Variants in LIPG observed in about 807,000 individuals in gnomAD.
LIPG encodes the protein endothelial lipase.
Under a neutral mutation model 51.8 loss-of-function variants are expected in LIPG, and 34 were observed. The ratio of observed to expected loss-of-function variants is 0.66; its 90% CI spans 0.50 to 0.87. The LOEUF is 0.87. Among genes scored for constraint, LIPG ranks in the 40% least tolerant of loss-of-function variants. LIPG has a pLI of 0.00. For synonymous variants in LIPG, 246 were observed against 246.1 expected, an observed-to-expected ratio of 1.00 and a Z score of 0.00; for missense variants, 580 against 652.7, an observed-to-expected ratio of 0.89 and a Z score of 1.21.
chr18:49,575,332 G>T, intron 4 of LIPG, 37 bp from the exon 5 acceptor site: 1 of 1,578,812 alleles, frequency 6.3e-7, no homozygotes, highest in South Asian at 1.1e-5. Flanking sequence ...AGGTGCACCT[G>T]ACACCACAGC....
intron 3 of LIPG, 46 bp downstream of exon 3, chr18:49,567,667 A>C: frequency 1.9e-6 from 3 of 1,587,736 alleles, no homozygotes; most frequent in Non-Finnish European, 2.6e-6. Flanking sequence ...CAGGATCTCA[A>C]ACCCAATCTT....
chr18:49,580,142 C>T (rs972521453), intron 5 of LIPG, among the ~76,000 whole-genome samples: 12 of 152,102 alleles, frequency 7.9e-5, no homozygotes, highest in Non-Finnish European at 1.6e-4. Context: ...GCTGCTGGTG[C>T]CAATGAGGCA....
In LIPG at chr18:49,579,773, CT is replaced by C. The variant is rs1568533498; in HGVS notation, c.794-1638del. Among the ~76,000 whole-genome samples the C allele has an allele frequency of 6.1e-3, 385 of 63,456 alleles. 8 individuals carry two copies. The South Asian group carries it at 0.12, about 20-fold the overall frequency. 41.6% of individuals were successfully genotyped at this position (63,456 alleles called of 152,430 possible). On this transcript the variant is annotated intron_variant, in intron 5 of 9. Transcript: ENST00000261292. ...CCTTTCCTTTCCTTTCCTTTCTTTTCTTTTCTTTTCTTTTCTTTTCTTTTCT... is the reference window on the plus strand; with the variant it reads ...CCTTTCCTTTCCTTTCCTTTCTTTTCTTTCTTTTCTTTTCTTTTCTTTTCT...
chr18:49,577,559 G>C (rs984986916), intron 5 of LIPG, among the ~76,000 whole-genome samples: 3 of 148,866 alleles, frequency 2.0e-5, no homozygotes, highest in East Asian at 2.0e-4. Context: ...GGTGGTGGCC[G>C]GGCAGAGGGG....
intron 6 of LIPG, 59 bp downstream of exon 6, chr18:49,581,716 C>T: frequency 6.3e-7 from 1 of 1,593,484 alleles, no homozygotes. Context: ...CTTCTTAATA[C>T]CATGCTGCAG....
Position 49,565,428 on chromosome 18 carries a change from A to T in LIPG, c.209A>T (p.His70Leu), listed in dbSNP as rs2084593520. The T allele has an allele frequency of 1.9e-6, 3 of 1,614,134 alleles. No homozygotes were observed. In the South Asian group the frequency reaches 3.3e-5, roughly 18 times the overall value. The change falls in exon 2 of 10, where the codon CAC (histidine) becomes CTC (leucine). Residue 70 changes from histidine to leucine, a missense_variant. Transcript: ENST00000261292. ...GAAGGATGCTACCTCTCCGTCGGCCACAGCCAGCCCTTAGAAGACTGCAGT... is the reference window on the plus strand; with the variant it reads ...GAAGGATGCTACCTCTCCGTCGGCCTCAGCCAGCCCTTAGAAGACTGCAGT... ...EHEGCYLSVG[H>L]SQPLEDCSFN...
chr18:49,597,834 C>G lies in LIPG; in HGVS notation c.*7312C>G, dbSNP rs1303883025. 6.6e-6 allele frequency: 1 copy of G among 152,252 alleles called. No homozygotes were observed. The highest frequency in any genetic ancestry group is 1.5e-5 in the Non-Finnish European group (1 of 68,060). The allele number at this position is 152,252 out of a possible 1,614,324, so 9.4% of individuals were successfully genotyped here. ...TGGACAGATGCCATATGAGAAAGGGCTGAGGCCAGGAACAGAGGCAGGGTT... is the reference window on the plus strand; with the variant it reads ...TGGACAGATGCCATATGAGAAAGGGGTGAGGCCAGGAACAGAGGCAGGGTT... On this transcript the variant is annotated 3_prime_UTR_variant, in exon 10 of 10. Coordinates refer to ENST00000261292, the MANE Select transcript of LIPG (RefSeq NM_006033.4).
At chr18:49,581,919 C>A in intron 6 of LIPG, 1 of 598,278 alleles carries the variant, frequency 1.7e-6, no homozygotes, top group Non-Finnish European at 2.9e-6. Context: ...ATTTAACTTT[C>A]AAAGCTGTTT....
rs2084993297 is a variant in LIPG at position 49,598,404 on chromosome 18, A to C, written c.*7882A>C. 2.0e-5 allele frequency: 3 copies of C among 152,780 alleles called. No individual in the cohort carries two copies. Among genetic ancestry groups the C allele is most frequent in the African/African-American group, 7.2e-5 (3 of 41,444 alleles). The allele number at this position is 152,780 out of a possible 1,614,324, so 9.5% of individuals were successfully genotyped here. ...GAGATGGGGTTTTGCCATGTTGCTC[A>C]GGTTGGTCTCAAACTCCTGGGCTCA... On this transcript the variant is annotated 3_prime_UTR_variant, in exon 10 of 10. Coordinates refer to ENST00000261292, the MANE Select transcript of LIPG (RefSeq NM_006033.4).
chr18:49,566,028 A>C (rs1288762727), intron 2 of LIPG, among the ~76,000 whole-genome samples: 1 of 152,198 alleles, frequency 6.6e-6, no homozygotes, highest in Non-Finnish European at 1.5e-5. Context: ...ACTTCAACAA[A>C]AAAGGGCTTT....
At chr18:49,590,362 A>G (rs2084928407) in intron 9 of LIPG, 139 bp from the exon 10 acceptor site, 2 of 903,130 alleles carry the variant, frequency 2.2e-6, no homozygotes, top group Non-Finnish European at 3.6e-6. Context: ...ATTTATTCTG[A>G]AAGGAATACA....
chr18:49,586,865 C>G lies in LIPG; in HGVS notation c.1481+15C>G. ...AACGAAACCAGGTAACCAGGACTTT[C>G]TCACACGTTCCACCCAGGACACGTT... is the stretch of plus-strand genomic sequence containing the variant. On this transcript the variant is annotated intron_variant, in intron 9 of 9. Transcript: ENST00000261292. 6.3e-7 allele frequency: 1 copy of G among 1,580,610 alleles called. No homozygotes were observed.
chr18:49,563,200 T>G (rs2084569864), intron 1 of LIPG, among the ~76,000 whole-genome samples: 1 of 152,126 alleles, frequency 6.6e-6, no homozygotes, highest in Admixed American at 6.5e-5. Context: ...TCTTCTAGTC[T>G]GCTGAGGTTG....
chr18:49,562,460 C>G (rs35816125), intron 1 of LIPG, 55 bp downstream of exon 1: 448,103 of 1,459,676 alleles, frequency 0.31, 71,550 homozygotes, highest in Middle Eastern at 0.39. Flanking sequence ...TGGGTCCCCT[C>G]TGTCTTGCTG....
intron 6 of LIPG, 130 bp from the exon 7 acceptor site, chr18:49,582,232 G>T: frequency 9.3e-7 from 1 of 1,076,688 alleles, no homozygotes; most frequent in East Asian, 2.4e-5. Flanking sequence ...AGCAGATGGG[G>T]GCTGCAGGCT....
rs755003792 is a variant in LIPG, at chr18:49,596,759, GT to G, written c.*6238del. On this transcript the variant is annotated 3_prime_UTR_variant, in exon 10 of 10. Coordinates refer to ENST00000261292, the MANE Select transcript of LIPG (RefSeq NM_006033.4). ...CCACATTTCTTTTCTGTCCGCCCTG[GT>G]CCCCTGGTGCCCCCTTTCCTGGCCC... The G allele has an allele frequency of 1.3e-5, 2 of 152,734 alleles. No individual in the cohort carries two copies. The highest frequency in any genetic ancestry group is 2.9e-5 in the Non-Finnish European group (2 of 68,626). 9.5% of individuals were successfully genotyped at this position (152,734 alleles called of 1,614,324 possible).
At chr18:49,561,654 C>T, upstream of LIPG, 3 of 1,235,978 alleles carry the variant, frequency 2.4e-6, no homozygotes, top group Non-Finnish European at 3.0e-6. Context: ...AGACCACTCC[C>T]AGAGAGAGTG....
intron 8 of LIPG, 81 bp from the exon 9 acceptor site, chr18:49,586,665 C>A: frequency 1.0e-6 from 1 of 998,702 alleles, no homozygotes; most frequent in South Asian, 1.3e-5. Flanking sequence ...TGCCTCCTCA[C>A]CCATCTGCCT....
At chr18:49,570,783 T>C (rs1186184903) in intron 4 of LIPG, among the ~76,000 whole-genome samples, 3 of 152,116 alleles carry the variant, frequency 2.0e-5, no homozygotes, top group Admixed American at 1.3e-4. Context: ...GAGCCGAGAT[T>C]GTGCCACTGC....
Sources: gnomAD v4.1 joint callset for allele counts (sites outside exome capture counted in the v4.1 genomes callset) on GRCh38, gnomAD v4.1.1 for gene constraint, MANE v1.5 for transcripts, NCBI Gene and HGNC (gene_info 2026-07-23, HGNC 2026-07-21) for gene names.